Variants in HOOK3 observed in about 807,000 individuals in gnomAD.
HOOK3 encodes the protein hook microtubule tethering protein 3.
HOOK3 carries 24 observed loss-of-function variants against 116.3 expected under a neutral mutation model. That is an observed-to-expected ratio of 0.21 (90% CI 0.15 to 0.29). The LOEUF (loss-of-function observed/expected upper bound fraction) is 0.29, where lower values mean the gene tolerates loss of function less well. Ranked by LOEUF, HOOK3 falls within the 10% of genes least tolerant of loss-of-function variation. The pLI is 1.00. For missense variants in HOOK3, 632 were observed against 830.2 expected (o/e 0.76, Z 2.93); for synonymous variants, 275 against 283.0 (o/e 0.97, Z 0.28).
chr8:42,901,759 TGGAG>T, intron 1 of HOOK3, among the ~76,000 whole-genome samples: 1 of 152,336 alleles, frequency 6.6e-6, no homozygotes, highest in South Asian at 2.1e-4. Context: ...TTGCCCAGGC[TGGAG>T]TGCAGTGGCA....
chr8:42,968,614 G>A (rs1808674208), intron 11 of HOOK3, among the ~76,000 whole-genome samples: 1 of 152,140 alleles, frequency 6.6e-6, no homozygotes, highest in Non-Finnish European at 1.5e-5. Context: ...ACAAGCGTGA[G>A]CCACTGTGAG....
rs1242816696 is a variant in HOOK3, at chr8:42,975,399, C to T, written c.1321+1205C>T. Among the ~76,000 whole-genome samples the T allele has an allele frequency of 2.0e-5, 3 of 152,212 alleles. No individual in the cohort carries two copies. In the East Asian group the frequency reaches 5.8e-4, roughly 29 times the overall value. The stretch of plus-strand genomic sequence containing the variant: ...CTGAGCACCTGCTGTTTGCCAGGCA[C>T]TGTGTCTATTAGTAGAGCTGGAGAT... On this transcript the variant is annotated intron_variant, in intron 13 of 21. Coordinates refer to ENST00000307602, the MANE Select transcript of HOOK3 (RefSeq NM_032410.4).
At chr8:42,937,796 G>A (rs1019216152) in intron 4 of HOOK3, among the ~76,000 whole-genome samples, 104 of 152,276 alleles carry the variant, frequency 6.8e-4, no homozygotes, top group African/African-American at 2.3e-3. Flanking sequence ...ACTGAGGAGT[G>A]TTTTACTTCC....
rs762915144 is a variant in HOOK3 at position 43,030,467 on chromosome 8, A to G, written c.*11969A>G. The G allele has an allele frequency of 2.8e-5, 5 of 176,430 alleles. 1 individual carries two copies. The highest frequency in any genetic ancestry group is 6.3e-5 in the Admixed American group (1 of 15,812). 10.9% of individuals were successfully genotyped at this position (176,430 alleles called of 1,614,324 possible). ...AACTATATTTTCCCATTCAAGTACA[A>G]AAATGTTTTCAAGGCTGCAAAAAGT... On this transcript the variant is annotated 3_prime_UTR_variant, in exon 22 of 22. Coordinates refer to ENST00000307602, the MANE Select transcript of HOOK3 (RefSeq NM_032410.4).
In HOOK3 at chr8:42,997,598, A is replaced by T. The variant is rs758011454; in HGVS notation, c.1581A>T (p.Leu527Phe). The change falls in exon 16 of 22, where the codon TTA becomes TTT. Residue 527 changes from leucine (L) to phenylalanine (F), a missense_variant. Around this residue, in one of 3 missense-constraint regions of HOOK3, gnomAD observed 483 missense variants for 648.1 expected, o/e 0.75. Transcript: ENST00000307602. ...LLEVQSQVEE[L>F]QKSLQDQGSK... ...AAGTACAGTCACAAGTTGAAGAATT[A>T]CAAAAATCTTTACAGGATCAAGGCT... 5.6e-6 allele frequency: 9 copies of T among 1,610,936 alleles called. No homozygotes were observed. In the Admixed American group the frequency reaches 1.5e-4, roughly 27 times the overall value.
intron 16 of HOOK3, chr8:43,000,387 A>C: frequency 1.8e-6 from 1 of 550,592 alleles, no homozygotes; most frequent in South Asian, 1.6e-5. Flanking sequence ...TGCAAAACGA[A>C]TATCTGGATT....
intron 13 of HOOK3, among the ~76,000 whole-genome samples, chr8:42,981,348 C>G (rs1263975508): frequency 3.3e-5 from 5 of 151,974 alleles, no homozygotes; most frequent in African/African-American, 1.2e-4. Context: ...CCACCACACC[C>G]AGCCAAAAAT....
At chr8:42,943,149 A>G (rs1808160852) in intron 4 of HOOK3, among the ~76,000 whole-genome samples, 164 bp from the exon 5 acceptor site, 1 of 151,980 alleles carries the variant, frequency 6.6e-6, no homozygotes, top group African/African-American at 2.4e-5. Flanking sequence ...CAAGATAGTT[A>G]TGATTTAGGT....
At chr8:42,934,771 A>G (rs1421589847) in intron 4 of HOOK3, among the ~76,000 whole-genome samples, 1 of 151,940 alleles carries the variant, frequency 6.6e-6, no homozygotes, top group Non-Finnish European at 1.5e-5. Flanking sequence ...TATGTGCCAC[A>G]TTTTCTTTAT....
intron 4 of HOOK3, among the ~76,000 whole-genome samples, chr8:42,931,724 A>ACCTTC (rs1327013428): frequency 2.0e-5 from 3 of 149,364 alleles, no homozygotes; most frequent in African/African-American, 4.9e-5. Context: ...GAGCCACCGC[A>ACCTTC]CCTTCCCTTC....
At chr8:43,015,417 G>A (rs768370844) in intron 21 of HOOK3, among the ~76,000 whole-genome samples, 4 of 152,098 alleles carry the variant, frequency 2.6e-5, no homozygotes, top group Admixed American at 1.3e-4. Flanking sequence ...CAGGTACTCC[G>A]GAGGCTGAAG....
chr8:42,999,487 G>C (rs1447782577), intron 16 of HOOK3, among the ~76,000 whole-genome samples: 1 of 152,160 alleles, frequency 6.6e-6, no homozygotes, highest in Non-Finnish European at 1.5e-5. Context: ...TCTTGCCCCA[G>C]CAAATATTTT....
intron 4 of HOOK3, among the ~76,000 whole-genome samples, chr8:42,938,399 T>A (rs899576273): frequency 3.9e-5 from 6 of 152,152 alleles, no homozygotes; most frequent in African/African-American, 1.4e-4. Flanking sequence ...CATTTACATT[T>A]AAGGTTAATA....
In HOOK3 at chr8:42,918,692, C is replaced by A. The variant is rs1037484035; in HGVS notation, c.144-6865C>A. On this transcript the variant is annotated intron_variant, in intron 2 of 21. Transcript: ENST00000307602. ...AGCACATCTTGCACCGCCCTTGATCCATTTAACCCTTAGTGAACACAGCAC... is the reference window on the plus strand; with the variant it reads ...AGCACATCTTGCACCGCCCTTGATCAATTTAACCCTTAGTGAACACAGCAC... Among the ~76,000 whole-genome samples the A allele has an allele frequency of 2.0e-5, 3 of 152,150 alleles. 1 individual carries two copies. The highest frequency in any genetic ancestry group is 6.3e-3 in the Middle Eastern group (2 of 316).
At chr8:42,965,933 G>A (rs1808624929) in intron 9 of HOOK3, among the ~76,000 whole-genome samples, 1 of 152,066 alleles carries the variant, frequency 6.6e-6, no homozygotes, top group Non-Finnish European at 1.5e-5. Context: ...TGTCTGCAAG[G>A]CTGGATTTTC....
chr8:42,992,710 CAAAAAAAAAAAAA>C (rs35064772), intron 15 of HOOK3, among the ~76,000 whole-genome samples: 2 of 56,592 alleles, frequency 3.5e-5, no homozygotes, highest in Admixed American at 3.8e-4. Flanking sequence ...GACTCCATCT[CAAAAAAAAAAAAA>C]AAAAAAAAGA....
chr8:42,961,634 G>A (rs1808536006), intron 8 of HOOK3, among the ~76,000 whole-genome samples: 1 of 152,182 alleles, frequency 6.6e-6, no homozygotes, highest in Non-Finnish European at 1.5e-5. Context: ...AGAAATAATT[G>A]TGTAACATTA....
At position 43,025,369 on chromosome 8, in the gene HOOK3, G is replaced by A. The variant is rs1231108761; in HGVS notation, c.*6871G>A. ...TAAGGCAAATTCATTCCTAGAAAGT[G>A]GAGTGGATCATTGGGATAAGAAATA... On this transcript the variant is annotated 3_prime_UTR_variant, in exon 22 of 22. Coordinates refer to ENST00000307602, the MANE Select transcript of HOOK3 (RefSeq NM_032410.4). The A allele has an allele frequency of 1.4e-5, 3 of 212,408 alleles. No homozygotes were observed. The East Asian group carries it at 2.1e-4, about 15-fold the overall frequency. 13.2% of individuals were successfully genotyped at this position (212,408 alleles called of 1,614,324 possible).
intron 4 of HOOK3, among the ~76,000 whole-genome samples, chr8:42,941,278 G>A (rs1187508138): frequency 6.7e-6 from 1 of 148,698 alleles, no homozygotes; most frequent in Admixed American, 6.6e-5. Context: ...CACTTTGGGA[G>A]GCCGAGGCGG....
Sources: gnomAD v4.1 joint callset for allele counts (sites outside exome capture counted in the v4.1 genomes callset) on GRCh38, gnomAD v4.1.1 for gene constraint, gnomAD v4.1.1 regional missense constraint, MANE v1.5 for transcripts, NCBI Gene and HGNC (gene_info 2026-07-23, HGNC 2026-07-21) for gene names.